BICC1: variants seen among roughly 807,000 people sequenced by gnomAD.
The protein encoded by BICC1 is protein bicaudal C homolog 1.
Under a neutral mutation model 111.0 loss-of-function variants are expected in BICC1, and 43 were observed. The ratio of observed to expected loss-of-function variants is 0.39; its 90% CI spans 0.30 to 0.50. The LOEUF is 0.50. Among genes scored for constraint, BICC1 ranks in the 20% least tolerant of loss-of-function variants. BICC1 has a pLI of 0.88. For missense variants in BICC1, 1,091 were observed against 1,203.2 expected (o/e 0.91, Z 1.38); for synonymous variants, 467 against 434.4 (o/e 1.07, Z -0.93).
intron 3 of BICC1, among the ~76,000 whole-genome samples, chr10:58,754,755 T>C (rs1437370316): frequency 8.8e-6 from 1 of 113,344 alleles, no homozygotes; most frequent in African/African-American, 3.4e-5. Flanking sequence ...TGAGGGGGGG[T>C]GTGTATGTGT....
intron 13 of BICC1, 117 bp from the exon 14 acceptor site, chr10:58,800,773 G>A (rs1843519392): frequency 1.9e-6 from 2 of 1,028,616 alleles, no homozygotes; most frequent in South Asian, 2.1e-5. Flanking sequence ...AGAGGTCTCT[G>A]TCAGGTTAAT....
At chr10:58,755,124 T>C (rs1460808697) in intron 3 of BICC1, among the ~76,000 whole-genome samples, 1 of 91,248 alleles carries the variant, frequency 1.1e-5, no homozygotes, top group African/African-American at 3.0e-5. Context: ...TTTTTCTTTG[T>C]TTTTTGTTTT....
At chr10:58,700,002 A>G (rs558946067) in intron 2 of BICC1, among the ~76,000 whole-genome samples, 89 of 152,256 alleles carry the variant, frequency 5.8e-4, no homozygotes, top group South Asian at 4.1e-4. Context: ...TTATTTTTCT[A>G]TCTTATCTCT....
At chr10:58,736,040 C>G (rs1031721400) in intron 3 of BICC1, among the ~76,000 whole-genome samples, 2 of 152,140 alleles carry the variant, frequency 1.3e-5, no homozygotes, top group African/African-American at 2.4e-5. Context: ...AGCATCACTG[C>G]CAATTGCAGG....
intron 1 of BICC1, among the ~76,000 whole-genome samples, chr10:58,518,813 C>T (rs1427196): frequency 0.54 from 81,988 of 151,844 alleles, 23,194 homozygotes; most frequent in African/African-American, 0.71. Flanking sequence ...CTTTGCTTCT[C>T]GTAGAGTTCC....
chr10:58,650,598 A>G (rs1212697585), intron 2 of BICC1: 2 of 152,118 alleles, frequency 1.3e-5, no homozygotes, highest in Non-Finnish European at 2.9e-5. Flanking sequence ...TGGCTACACT[A>G]TTCTTATTCA....
chr10:58,797,331 T>A (rs1048197017), intron 10 of BICC1, among the ~76,000 whole-genome samples: 6 of 152,122 alleles, frequency 3.9e-5, no homozygotes, highest in Admixed American at 6.5e-5. Flanking sequence ...GTCTTTAAAA[T>A]TTTTTTTCCA....
chr10:58,682,217 A>T lies in BICC1; in HGVS notation c.238-19857A>T, dbSNP rs141798536. 7.1e-3 allele frequency among the ~76,000 whole-genome samples: 1,079 copies of T among 152,200 alleles called. 15 individuals carry two copies. Among genetic ancestry groups the T allele is most frequent in the African/African-American group, 0.025 (1,019 of 41,526 alleles). ...TGAACTCATTCTTTTCTATGGCTGC[A>T]TAGTATTCCATGGTGTATATGTGCC... On this transcript the variant is annotated intron_variant, in intron 2 of 20. Coordinates refer to ENST00000373886, the MANE Select transcript of BICC1 (RefSeq NM_001080512.3).
At chr10:58,572,503 G>C (rs895145330) in intron 1 of BICC1, among the ~76,000 whole-genome samples, 19 of 152,174 alleles carry the variant, frequency 1.2e-4, no homozygotes, top group Admixed American at 7.9e-4. Context: ...CCAGATTTAA[G>C]GAGATTGCCT....
intron 1 of BICC1, among the ~76,000 whole-genome samples, chr10:58,515,359 A>G (rs1842215175): frequency 1.3e-5 from 2 of 152,146 alleles, no homozygotes; most frequent in South Asian, 4.1e-4. Context: ...ACACAAACCT[A>G]GGTTGTGTAG....
In BICC1 at chr10:58,772,611, G is replaced by A. The variant is rs543995945; in HGVS notation, c.308-12390G>A. On this transcript the variant is annotated intron_variant, in intron 3 of 20. Transcript: ENST00000373886. Reference sequence around the variant, plus strand: ...CAAAATTCCACACTACTTACAGCAGGACTTAGCTTTCTTAGCCTTTCTGAA... The same window carrying A: ...CAAAATTCCACACTACTTACAGCAGAACTTAGCTTTCTTAGCCTTTCTGAA... 2.6e-5 allele frequency among the ~76,000 whole-genome samples: 4 copies of A among 152,242 alleles called. No individual in the cohort carries two copies. In the East Asian group the frequency reaches 5.8e-4, roughly 22 times the overall value.
At chr10:58,604,673 G>A (rs952576366) in intron 1 of BICC1, among the ~76,000 whole-genome samples, 1 of 152,080 alleles carries the variant, frequency 6.6e-6, no homozygotes, top group Admixed American at 6.5e-5. Flanking sequence ...ATAAAATTAA[G>A]CAAAGCATAA....
intron 1 of BICC1, among the ~76,000 whole-genome samples, chr10:58,564,471 G>T (rs773956724): frequency 2.6e-5 from 4 of 152,174 alleles, no homozygotes; most frequent in Non-Finnish European, 5.9e-5. Context: ...TATTCAGTGA[G>T]ATCACTGTAA....
chr10:58,518,644 T>C (rs946640229), intron 1 of BICC1, among the ~76,000 whole-genome samples: 8 of 150,846 alleles, frequency 5.3e-5, no homozygotes, highest in African/African-American at 1.9e-4. Context: ...CTCAAAAAAT[T>C]AGAAAAGTTT....
At chr10:58,524,564 G>A (rs1344650867) in intron 1 of BICC1, among the ~76,000 whole-genome samples, 3 of 152,174 alleles carry the variant, frequency 2.0e-5, no homozygotes, top group Non-Finnish European at 4.4e-5. Context: ...ATTAATTCAA[G>A]ATTGATTAAA....
intron 3 of BICC1, among the ~76,000 whole-genome samples, chr10:58,748,252 A>C (rs1935775378): frequency 6.6e-6 from 1 of 152,096 alleles, no homozygotes; most frequent in South Asian, 2.1e-4. Context: ...TGTAGATGTA[A>C]AGAACACAGA....
chr10:58,641,439 G>A (rs72802417), intron 2 of BICC1, among the ~76,000 whole-genome samples: 3,461 of 151,858 alleles, frequency 0.023, 59 homozygotes, highest in Non-Finnish European at 0.038. Context: ...ATGATTTGGC[G>A]CCATCTAGGT....
At chr10:58,796,108 C>T (rs1421910308) in intron 9 of BICC1, among the ~76,000 whole-genome samples, 1 of 152,114 alleles carries the variant, frequency 6.6e-6, no homozygotes, top group African/African-American at 2.4e-5. Context: ...TATCACAGCT[C>T]CTGGAACCCA....
intron 1 of BICC1, among the ~76,000 whole-genome samples, chr10:58,590,911 T>C (rs1458446007): frequency 6.6e-6 from 1 of 152,198 alleles, no homozygotes; most frequent in Admixed American, 6.5e-5. Flanking sequence ...ACTTTAAAAA[T>C]GTAGGGTTTT....
Sources: gnomAD v4.1 joint callset for allele counts (sites outside exome capture counted in the v4.1 genomes callset) on GRCh38, gnomAD v4.1.1 for gene constraint, MANE v1.5 for transcripts, NCBI Gene and HGNC (gene_info 2026-07-23, HGNC 2026-07-21) for gene names.